Variants in LSAMP observed in about 807,000 individuals in gnomAD.
The protein encoded by LSAMP is limbic system-associated membrane protein.
LSAMP carries 7 observed loss-of-function variants against 38.6 expected under a neutral mutation model. That is an observed-to-expected ratio of 0.18 (90% CI 0.10 to 0.34). LSAMP has a LOEUF of 0.34. Ranked by LOEUF, LSAMP falls within the 10% of genes least tolerant of loss-of-function variation. The pLI, the probability that LSAMP is intolerant of heterozygous loss-of-function variation, is 1.00. For synonymous variants in LSAMP, 154 were observed against 166.8 expected (o/e 0.92, Z 0.59); for missense variants, 313 against 420.0 (o/e 0.75, Z 2.23).
At chr3:116,171,096 T>C (rs978313082) in intron 1 of LSAMP, among the ~76,000 whole-genome samples, 36 of 152,324 alleles carry the variant, frequency 2.4e-4, no homozygotes, top group African/African-American at 8.4e-4. Context: ...TGGGCTTTGC[T>C]TTATTTCTCT....
At chr3:115,839,465 G>A (rs2107499990) in intron 6 of LSAMP, among the ~76,000 whole-genome samples, 1 of 152,226 alleles carries the variant, frequency 6.6e-6, no homozygotes, top group South Asian at 2.1e-4. Context: ...TGGAGGGAGT[G>A]TCATTCCTGC....
chr3:116,305,641 CA>C (rs1488180866), intron 1 of LSAMP, among the ~76,000 whole-genome samples: 7 of 151,760 alleles, frequency 4.6e-5, no homozygotes, highest in Middle Eastern at 3.4e-3. Context: ...TATCAAAACA[CA>C]AAAAAATTTC....
In LSAMP at chr3:116,195,993, T is replaced by G. The variant is rs113901574; in HGVS notation, c.156-109437A>C. Among the ~76,000 whole-genome samples the G allele has an allele frequency of 5.2e-3, 788 of 152,356 alleles. 11 individuals carry two copies. The highest frequency in any genetic ancestry group is 0.018 in the African/African-American group (743 of 41,586). ...ATAGAATACTATTTATTGGTCACTA[T>G]AAATCAATGAGCTAGTAATTGTTTG... On this transcript the variant is annotated intron_variant, in intron 1 of 6. Transcript: ENST00000490035.
intron 3 of LSAMP, among the ~76,000 whole-genome samples, chr3:115,855,377 AATAAAAC>A (rs1381799374): frequency 1.3e-5 from 2 of 152,204 alleles, no homozygotes; most frequent in East Asian, 3.8e-4. Context: ...ATAAGCAGAT[AATAAAAC>A]ATATCCTTAT....
intron 1 of LSAMP, among the ~76,000 whole-genome samples, chr3:116,333,396 A>C (rs1327742496): frequency 6.6e-6 from 1 of 151,914 alleles, no homozygotes; most frequent in Admixed American, 6.6e-5. Context: ...AAAATTAGCA[A>C]GGTGTGGTGG....
chr3:116,412,580 T>C (rs887028314), intron 1 of LSAMP, among the ~76,000 whole-genome samples: 3 of 152,052 alleles, frequency 2.0e-5, no homozygotes, highest in African/African-American at 7.2e-5. Context: ...AAGTTCGTAG[T>C]TTAGAAGCAT....
intron 2 of LSAMP, among the ~76,000 whole-genome samples, chr3:116,064,679 C>T (rs533158368): frequency 6.6e-6 from 1 of 152,258 alleles, no homozygotes; most frequent in South Asian, 2.1e-4. Flanking sequence ...CTATATCAGG[C>T]AGTCTGGTAA....
chr3:115,885,995 C>T (rs1936444731), intron 3 of LSAMP, among the ~76,000 whole-genome samples: 1 of 151,908 alleles, frequency 6.6e-6, no homozygotes, highest in Admixed American at 6.6e-5. Flanking sequence ...TTCTTTAAGT[C>T]TTTGGCAAAG....
chr3:116,378,827 A>G (rs1028163019), intron 1 of LSAMP, among the ~76,000 whole-genome samples: 2 of 152,102 alleles, frequency 1.3e-5, no homozygotes, highest in Non-Finnish European at 2.9e-5. Context: ...AGATATGTCT[A>G]TAAGATACAT....
At chr3:115,852,376 C>A (rs1935361674) in intron 4 of LSAMP, 107 bp downstream of exon 4, 1 of 1,306,116 alleles carries the variant, frequency 7.7e-7, no homozygotes. Flanking sequence ...GCCAGAGGAG[C>A]ATCTGCTTGA....
intron 4 of LSAMP, among the ~76,000 whole-genome samples, chr3:115,844,055 G>T (rs955884501): frequency 1.3e-5 from 2 of 152,128 alleles, no homozygotes; most frequent in African/African-American, 2.4e-5. Flanking sequence ...TGGCTGTTTG[G>T]ACTTCTCATC....
chr3:115,876,378 A>T (rs1179125534), intron 3 of LSAMP, among the ~76,000 whole-genome samples: 1 of 151,452 alleles, frequency 6.6e-6, no homozygotes, highest in Non-Finnish European at 1.5e-5. Context: ...GACATTTTAC[A>T]CACTCTGACC....
At chr3:115,885,231 T>C (rs1936422105) in intron 3 of LSAMP, among the ~76,000 whole-genome samples, 1 of 151,990 alleles carries the variant, frequency 6.6e-6, no homozygotes, top group South Asian at 2.1e-4. Context: ...GTTTGTCTGT[T>C]CCTGTCCTTC....
In LSAMP at chr3:116,117,520, A is replaced by G. The variant is rs569316601; in HGVS notation, c.156-30964T>C. Among the ~76,000 whole-genome samples the G allele has an allele frequency of 6.6e-5, 10 of 152,270 alleles. No homozygotes were observed. In the South Asian group the frequency reaches 2.1e-3, roughly 32 times the overall value. On this transcript the variant is annotated intron_variant, in intron 1 of 6. Transcript: ENST00000490035. ...ATTAAGTAACATTCATACCTTATTTACATTTTCATAATATTTTACCTAAGG... is the reference window on the plus strand; with the variant it reads ...ATTAAGTAACATTCATACCTTATTTGCATTTTCATAATATTTTACCTAAGG...
chr3:116,333,996 C>T (rs1327895722), intron 1 of LSAMP, among the ~76,000 whole-genome samples: 1 of 151,436 alleles, frequency 6.6e-6, no homozygotes, highest in Non-Finnish European at 1.5e-5. Flanking sequence ...CAAATCTTTA[C>T]CTATATAAGG....
intron 1 of LSAMP, among the ~76,000 whole-genome samples, chr3:116,394,654 C>A (rs1364407075): frequency 1.3e-5 from 2 of 152,036 alleles, no homozygotes; most frequent in Non-Finnish European, 2.9e-5. Flanking sequence ...AAACCACACA[C>A]TGAGATCCTT....
At chr3:116,008,944 C>G (rs1940245542) in intron 3 of LSAMP, among the ~76,000 whole-genome samples, 1 of 152,150 alleles carries the variant, frequency 6.6e-6, no homozygotes, top group African/African-American at 2.4e-5. Flanking sequence ...TTCCTTGTCT[C>G]TTCTACCACT....
At chr3:115,934,650 T>G (rs1937640592) in intron 3 of LSAMP, among the ~76,000 whole-genome samples, 2 of 152,218 alleles carry the variant, frequency 1.3e-5, no homozygotes, top group Non-Finnish European at 2.9e-5. Context: ...ACATGTGTTT[T>G]GACATTAAAT....
At chr3:116,208,458 T>G (rs1025311479) in intron 1 of LSAMP, among the ~76,000 whole-genome samples, 14 of 152,330 alleles carry the variant, frequency 9.2e-5, no homozygotes, top group Middle Eastern at 3.4e-3. Context: ...CTGCATTCCT[T>G]TGGAGGAGGA....
Sources: gnomAD v4.1 joint callset for allele counts (sites outside exome capture counted in the v4.1 genomes callset) on GRCh38, gnomAD v4.1.1 for gene constraint, MANE v1.5 for transcripts, NCBI Gene and HGNC (gene_info 2026-07-23, HGNC 2026-07-21) for gene names.